Variants in ERC1 observed in about 807,000 individuals in gnomAD.
The protein encoded by ERC1 is ELKS/RAB6-interacting/CAST family member 1, also known as RAB6 interacting protein 2.
Under a neutral mutation model 132.0 loss-of-function variants are expected in ERC1, and 56 were observed. That is an observed-to-expected ratio of 0.42 (90% confidence interval 0.34 to 0.53). The LOEUF (loss-of-function observed/expected upper bound fraction) is 0.53. Ranked by LOEUF, ERC1 falls within the 20% of genes least tolerant of loss-of-function variation. The pLI, the probability that ERC1 is intolerant of heterozygous loss-of-function variation, is 0.03. For synonymous variants in ERC1, 478 were observed against 476.1 expected (o/e 1.00, Z -0.05); for missense variants, 1,202 against 1,349.9 (o/e 0.89, Z 1.72).
chr12:1,196,994 T>A lies in ERC1; in HGVS notation c.2351+6942T>A, dbSNP rs1177237433. Among the ~76,000 whole-genome samples the A allele has an allele frequency of 5.5e-4, 75 of 137,008 alleles. 2 individuals carry two copies. Among genetic ancestry groups the A allele is most frequent in the African/African-American group, 1.4e-3 (48 of 35,154 alleles). The allele number at this position is 137,008 out of a possible 152,430, so 89.9% of individuals were successfully genotyped here. A position where few individuals can be genotyped will look rare whatever the true frequency, so the allele number is the denominator to read the frequency against. On this transcript the variant is annotated intron_variant, in intron 12 of 18. Transcript: ENST00000360905. ...TATATATATTTTTTTTTTTTTTTTT[T>A]TTTTAAGACAGATTTTCCCTCTGTC...
intron 13 of ERC1, among the ~76,000 whole-genome samples, chr12:1,248,466 T>C (rs1220609154): frequency 6.6e-6 from 1 of 152,132 alleles, no homozygotes; most frequent in Admixed American, 6.5e-5. Context: ...CCAAAGGATA[T>C]TGAGATCTGA....
chr12:1,322,328 A>T (rs889693943), intron 15 of ERC1, among the ~76,000 whole-genome samples: 9 of 152,170 alleles, frequency 5.9e-5, no homozygotes, highest in African/African-American at 2.2e-4. Context: ...AGGAAAACTG[A>T]TACTCAGAAT....
chr12:1,208,600 G>T (rs1372069297), intron 12 of ERC1, among the ~76,000 whole-genome samples: 2 of 152,036 alleles, frequency 1.3e-5, no homozygotes, highest in Non-Finnish European at 2.9e-5. Flanking sequence ...TATTTGGTTT[G>T]CACAGTGTCC....
intron 1 of ERC1, among the ~76,000 whole-genome samples, chr12:1,007,516 TTC>T (rs377671282): frequency 4.4e-4 from 54 of 122,968 alleles, no homozygotes; most frequent in African/African-American, 1.8e-3. Flanking sequence ...CACTGGGTAA[TTC>T]TCTCTCTCTC....
chr12:1,003,096 C>CAAAAAAAAAAAAAAA (rs59507923), intron 1 of ERC1, among the ~76,000 whole-genome samples: 15 of 86,734 alleles, frequency 1.7e-4, no homozygotes, highest in Non-Finnish European at 1.8e-4. Context: ...ATGAAAAATG[C>CAAAAAAAAAAAAAAA]AAAAAAAAAA....
intron 11 of ERC1, among the ~76,000 whole-genome samples, chr12:1,188,442 A>G (rs1955354822): frequency 1.3e-5 from 2 of 152,106 alleles, no homozygotes; most frequent in Admixed American, 6.5e-5. Flanking sequence ...ACAATTAACA[A>G]CTCAAAAACT....
chr12:1,094,731 C>T (rs1943788930), intron 3 of ERC1, among the ~76,000 whole-genome samples: 1 of 152,136 alleles, frequency 6.6e-6, no homozygotes, highest in South Asian at 2.1e-4. Flanking sequence ...TTTTAAATTA[C>T]ATCATTTGTC....
intron 12 of ERC1, among the ~76,000 whole-genome samples, chr12:1,222,091 G>C (rs1959041298): frequency 6.6e-6 from 1 of 151,992 alleles, no homozygotes; most frequent in African/African-American, 2.4e-5. Flanking sequence ...TGGCATTTGT[G>C]TACCTAAACA....
intron 17 of ERC1, among the ~76,000 whole-genome samples, chr12:1,431,824 G>C (rs1315462994): frequency 1.3e-5 from 2 of 152,128 alleles, no homozygotes; most frequent in African/African-American, 4.8e-5. Flanking sequence ...CCTGTTATCT[G>C]AGATTGGTCT....
At chr12:1,005,216 A>T (rs1295232174) in intron 1 of ERC1, among the ~76,000 whole-genome samples, 2 of 152,112 alleles carry the variant, frequency 1.3e-5, no homozygotes, top group Admixed American at 6.6e-5. Context: ...CGGCAGTGCT[A>T]TCATGGCTTA....
chr12:1,341,464 A>G (rs2083887917), intron 15 of ERC1, among the ~76,000 whole-genome samples: 1 of 152,322 alleles, frequency 6.6e-6, no homozygotes, highest in East Asian at 1.9e-4. Flanking sequence ...CATATACATC[A>G]TGGAATACTA....
intron 2 of ERC1, among the ~76,000 whole-genome samples, chr12:1,062,648 T>C (rs1266419567): frequency 6.6e-6 from 1 of 152,220 alleles, no homozygotes; most frequent in African/African-American, 2.4e-5. Context: ...TCCTAGAGAA[T>C]GTTCCATGTG....
At chr12:1,179,500 C>CTT (rs58317880) in intron 8 of ERC1, among the ~76,000 whole-genome samples, 1,491 of 95,688 alleles carry the variant, frequency 0.016, 2 homozygotes, top group East Asian at 0.026. Flanking sequence ...ATTCATTTTT[C>CTT]TTTTTTTTTT....
intron 6 of ERC1, 159 bp downstream of exon 6, chr12:1,112,457 T>C: frequency 1.8e-6 from 1 of 543,770 alleles, no homozygotes; most frequent in South Asian, 2.3e-5. Flanking sequence ...AACTGACTCC[T>C]GTTCACTAGT....
Position 1,067,922 on chromosome 12 carries a change from A to T in ERC1, c.670-15242A>T, listed in dbSNP as rs1009560754. Among the ~76,000 whole-genome samples the T allele has an allele frequency of 3.1e-5, 4 of 128,790 alleles. No homozygotes were observed. The East Asian group carries it at 9.6e-4, about 31-fold the overall frequency. The allele number at this position is 128,790 out of a possible 152,430, so 84.5% of individuals were successfully genotyped here. ...AATTTTACTGTATTTCATTTTAGCC[A>T]CTGCTTTTTTTTTTTTTTTTTTTCC... On this transcript the variant is annotated intron_variant, in intron 2 of 18. Coordinates refer to ENST00000360905, the MANE Select transcript of ERC1 (RefSeq NM_178040.4).
At chr12:1,423,932 G>A (rs578111172) in intron 17 of ERC1, among the ~76,000 whole-genome samples, 3 of 152,192 alleles carry the variant, frequency 2.0e-5, no homozygotes, top group South Asian at 4.2e-4. Context: ...TGTAAATATT[G>A]TTAAACAAGT....
At chr12:1,247,789 G>A (rs930087114) in intron 13 of ERC1, among the ~76,000 whole-genome samples, 1 of 152,178 alleles carries the variant, frequency 6.6e-6, no homozygotes, top group Non-Finnish European at 1.5e-5. Flanking sequence ...CTGAGGTCAG[G>A]AGTTCAAGAC....
chr12:1,095,914 T>C (rs561467015), intron 3 of ERC1, among the ~76,000 whole-genome samples: 4 of 151,590 alleles, frequency 2.6e-5, no homozygotes, highest in African/African-American at 9.8e-5. Flanking sequence ...CAATTCTTTA[T>C]TGTACGCAGG....
intron 8 of ERC1, among the ~76,000 whole-genome samples, chr12:1,157,080 A>G (rs906627301): frequency 2.0e-5 from 3 of 152,110 alleles, no homozygotes; most frequent in African/African-American, 7.2e-5. Flanking sequence ...GAAAGTCCTT[A>G]TACATGCCAA....
Sources: allele counts gnomAD v4.1 joint callset (sites outside exome capture counted in the v4.1 genomes callset), GRCh38; gene constraint gnomAD v4.1.1; transcripts MANE v1.5; gene names NCBI Gene and HGNC (gene_info 2026-07-23, HGNC 2026-07-21).